The following CTNNA2 variants were observed in gnomAD, a reference collection of about 807,000 sequenced individuals.
CTNNA2 encodes the protein catenin alpha-2.
A neutral mutation model predicts 101.0 loss-of-function variants in CTNNA2; 42 were observed. The ratio of observed to expected loss-of-function variants is 0.42; its 90% confidence interval spans 0.32 to 0.54. The LOEUF is 0.54. Ranked by LOEUF, CTNNA2 falls within the 20% of genes least tolerant of loss-of-function variation. The pLI is 0.14. For synonymous variants in CTNNA2, 450 were observed against 456.4 expected, an observed-to-expected ratio of 0.99 and a Z score of 0.18; for missense variants, 871 against 1,223.1, an observed-to-expected ratio of 0.71 and a Z score of 4.29.
intron 8 of CTNNA2, among the ~76,000 whole-genome samples, chr2:80,404,961 A>G (rs1678928268): frequency 1.3e-5 from 2 of 152,372 alleles, no homozygotes; most frequent in South Asian, 4.1e-4. Context: ...TTAGAGTTCC[A>G]GAGACGTACA....
chr2:79,193,447 C>T (rs549976394), intron 1 of CTNNA2, among the ~76,000 whole-genome samples: 5 of 152,138 alleles, frequency 3.3e-5, no homozygotes, highest in Admixed American at 6.5e-5. Flanking sequence ...TATACAGGTA[C>T]GTACCCTAGG....
intron 3 of CTNNA2, among the ~76,000 whole-genome samples, chr2:79,841,147 A>G (rs1310493213): frequency 6.6e-6 from 1 of 152,156 alleles, no homozygotes; most frequent in Non-Finnish European, 1.5e-5. Context: ...CTCAGGCTGG[A>G]GTGCAGGTGC....
chr2:80,620,303 T>C (rs1029476226), intron 18 of CTNNA2, among the ~76,000 whole-genome samples: 4 of 146,150 alleles, frequency 2.7e-5, no homozygotes, highest in Admixed American at 2.7e-4. Context: ...TGATGAACAT[T>C]TGTGTTGGAG....
At chr2:80,298,514 A>C (rs1214388687) in intron 7 of CTNNA2, 1 of 152,226 alleles carries the variant, frequency 6.6e-6, no homozygotes, top group Non-Finnish European at 1.5e-5. Flanking sequence ...TGACAAGTCG[A>C]CTAAAATAAG....
chr2:80,463,306 T>G (rs6715806), intron 9 of CTNNA2, among the ~76,000 whole-genome samples: 1 of 151,972 alleles, frequency 6.6e-6, no homozygotes. Flanking sequence ...ACACCCCCCT[T>G]AATAGTCGCC....
chr2:79,297,803 T>C (rs936453312), intron 2 of CTNNA2, among the ~76,000 whole-genome samples: 1 of 152,238 alleles, frequency 6.6e-6, no homozygotes, highest in East Asian at 1.9e-4. Flanking sequence ...CTAATCACTC[T>C]CTTTGATTTT....
chr2:80,530,442 C>G lies in CTNNA2; in HGVS notation c.1291-14540C>G, dbSNP rs746795163. ...ATCAATGAAAACCAGGAGGCCTTGTCAGACTGTGTATGTGTTTTGCAGGAC... is the reference window on the plus strand; with the variant it reads ...ATCAATGAAAACCAGGAGGCCTTGTGAGACTGTGTATGTGTTTTGCAGGAC... On this transcript the variant is annotated intron_variant, in intron 9 of 18. Coordinates refer to ENST00000402739, the MANE Select transcript of CTNNA2 (RefSeq NM_001282597.3). Among the ~76,000 whole-genome samples, 3 of 152,182 alleles carry G rather than the reference C, an allele frequency of 2.0e-5. No individual in the cohort carries two copies. The South Asian group carries it at 6.2e-4, about 31-fold the overall frequency.
At chr2:79,734,393 C>T (rs558654051) in intron 2 of CTNNA2, among the ~76,000 whole-genome samples, 1 of 152,078 alleles carries the variant, frequency 6.6e-6, no homozygotes, top group South Asian at 2.1e-4. Flanking sequence ...AAGATGCCAT[C>T]AACTGTAAGA....
chr2:80,633,390 T>C (rs1344937981), intron 18 of CTNNA2, among the ~76,000 whole-genome samples: 1 of 152,198 alleles, frequency 6.6e-6, no homozygotes, highest in Admixed American at 6.5e-5. Flanking sequence ...ATTTGACTAA[T>C]TCATATCTCA....
intron 2 of CTNNA2, among the ~76,000 whole-genome samples, chr2:79,704,419 T>A (rs1165453167): frequency 1.8e-4 from 27 of 152,178 alleles, no homozygotes. Context: ...TTCAACGTGA[T>A]CTTTTCAAAT....
intron 4 of CTNNA2, among the ~76,000 whole-genome samples, chr2:79,383,379 A>C (rs1273290594): frequency 6.6e-6 from 1 of 152,196 alleles, no homozygotes; most frequent in African/African-American, 2.4e-5. Flanking sequence ...TGGACCTTGA[A>C]GGATAGATAG....
chr2:80,636,837 A>G (rs1375795706), intron 18 of CTNNA2, among the ~76,000 whole-genome samples: 1 of 152,120 alleles, frequency 6.6e-6, no homozygotes, highest in East Asian at 1.9e-4. Context: ...AAATGTTCTT[A>G]GATATTTTAG....
At chr2:79,262,736 G>C (rs1353141189) in intron 2 of CTNNA2, among the ~76,000 whole-genome samples, 1 of 152,162 alleles carries the variant, frequency 6.6e-6, no homozygotes, top group African/African-American at 2.4e-5. Context: ...AGGTGATTCT[G>C]ACACCTACTG....
At chr2:80,052,252 A>T (rs1378103630) in intron 7 of CTNNA2, among the ~76,000 whole-genome samples, 3 of 152,358 alleles carry the variant, frequency 2.0e-5, no homozygotes, top group Admixed American at 6.5e-5. Flanking sequence ...ACTAGATAAT[A>T]GATACAGCTA....
intron 7 of CTNNA2, among the ~76,000 whole-genome samples, chr2:80,043,089 TTCTTTCTC>T (rs765320106): frequency 0.14 from 4,209 of 31,002 alleles, 159 homozygotes; most frequent in Non-Finnish European, 0.16. Flanking sequence ...CTTTCTTTCT[TTCTTTCTC>T]TCTCTCTCTC....
intron 4 of CTNNA2, among the ~76,000 whole-genome samples, chr2:79,397,309 C>A (rs1045577622): frequency 1.3e-5 from 2 of 152,034 alleles, no homozygotes; most frequent in African/African-American, 4.8e-5. Context: ...AAATACTAGA[C>A]TATATTTCTT....
intron 3 of CTNNA2, among the ~76,000 whole-genome samples, chr2:79,786,255 AT>A (rs1674836775): frequency 6.6e-6 from 1 of 151,432 alleles, no homozygotes; most frequent in African/African-American, 2.4e-5. Flanking sequence ...TATTTTATTC[AT>A]TAAAATTAAT....
intron 7 of CTNNA2, among the ~76,000 whole-genome samples, chr2:80,190,417 C>T (rs915086915): frequency 6.6e-6 from 1 of 152,142 alleles, no homozygotes; most frequent in African/African-American, 2.4e-5. Context: ...TTTCAGTTAA[C>T]ACTTTCCCCG....
chr2:80,515,164 TTC>T (rs1207144313), intron 9 of CTNNA2, among the ~76,000 whole-genome samples: 3 of 151,744 alleles, frequency 2.0e-5, no homozygotes, highest in Admixed American at 6.5e-5. Flanking sequence ...TTTTTTTTTT[TTC>T]CCCCTTGGAA....
Sources: allele counts gnomAD v4.1 joint callset (sites outside exome capture counted in the v4.1 genomes callset), GRCh38; gene constraint gnomAD v4.1.1; transcripts MANE v1.5; gene names NCBI Gene and HGNC (gene_info 2026-07-23, HGNC 2026-07-21).